The following NFKBID variants were observed in gnomAD, a reference collection of about 807,000 sequenced individuals.
NFKBID encodes the protein NFKB inhibitor delta, also known as NF-kappa-B inhibitor delta.
Under a neutral mutation model 53.4 loss-of-function variants are expected in NFKBID, and 26 were observed. The ratio of observed to expected loss-of-function variants is 0.49; its 90% CI spans 0.36 to 0.68. The LOEUF (loss-of-function observed/expected upper bound fraction) is 0.68. Among genes scored for constraint, NFKBID ranks in the 30% least tolerant of loss-of-function variants. NFKBID has a pLI of 0.00. For synonymous variants in NFKBID, 262 were observed against 259.8 expected (o/e 1.01, Z -0.08); for missense variants, 493 against 614.1 (o/e 0.80, Z 2.08).
intron 1 of NFKBID, 128 bp downstream of exon 1, chr19:35,900,314 C>G: frequency 1.4e-6 from 1 of 722,470 alleles, no homozygotes; most frequent in Non-Finnish European, 1.9e-6. Context: ...CCTCCAAACA[C>G]CTAGGGCCCT....
Position 35,898,583 on chromosome 19 carries a change from C to T in NFKBID, c.166-51G>A, listed in dbSNP as rs942262560. 1.0e-4 allele frequency: 151 copies of T among 1,451,374 alleles called. 1 individual carries two copies. The highest frequency in any genetic ancestry group is 1.3e-4 in the Non-Finnish European group (145 of 1,078,030). The allele number at this position is 1,451,374 out of a possible 1,614,324, so 89.9% of individuals were successfully genotyped here. ...CCCAGGTGACTTTATCTGGCAGATT[C>T]CTCCGGGTCTGTCTCGGATCTATAA... is the stretch of plus-strand genomic sequence containing the variant. On this transcript the variant is annotated intron_variant, in intron 2 of 11. Transcript: ENST00000641389.
At chr19:35,890,816 A>C in intron 9 of NFKBID, 1 of 368,140 alleles carries the variant, frequency 2.7e-6, no homozygotes, top group Non-Finnish European at 5.3e-6. Flanking sequence ...GTGGGCCATG[A>C]CCACACCACT....
chr19:35,898,927 C>T (rs1017370193), intron 1 of NFKBID, 105 bp from the exon 2 acceptor site: 4 of 807,576 alleles, frequency 5.0e-6, no homozygotes, highest in Non-Finnish European at 7.9e-6. Flanking sequence ...CTCGCCCTCC[C>T]GCGCGGAAAA....
At chr19:35,889,799 C>G in intron 11 of NFKBID, 91 bp downstream of exon 11, 1 of 1,330,220 alleles carries the variant, frequency 7.5e-7, no homozygotes, top group Non-Finnish European at 1.0e-6. Flanking sequence ...AGAAGTCATT[C>G]TCTGAAAGCG....
exon 12 of NFKBID, chr19:35,888,510 C>A: frequency 7.3e-7 from 1 of 1,374,990 alleles, no homozygotes. Context: ...CTGGCTGTCC[C>A]GCAGGACGGT....
chr19:35,896,348 C>T lies in NFKBID; in HGVS notation c.831+44G>A, dbSNP rs201817618. On this transcript the variant is annotated intron_variant, in intron 7 of 11. Transcript: ENST00000641389. This position sits in a 1 kb window ranked among gnomAD's most constrained non-coding sequence, Gnocchi z 5.7. The stretch of plus-strand genomic sequence containing the variant: ...CCCTGGAAGCCAAAATCTGGGCAAC[C>T]AGTCTACCCCCCAGACAAACCCCTG... 182 of 1,613,752 alleles carry T rather than the reference C, an allele frequency of 1.1e-4. 1 individual carries two copies. The highest frequency in any genetic ancestry group is 1.4e-4 in the Non-Finnish European group (166 of 1,179,840).
chr19:35,894,848 C>T (rs1349361630), intron 9 of NFKBID, among the ~76,000 whole-genome samples: 1 of 151,842 alleles, frequency 6.6e-6, no homozygotes, highest in Admixed American at 6.6e-5. Flanking sequence ...ACAAAATTAG[C>T]TGGACGTGGT....
intron 9 of NFKBID, among the ~76,000 whole-genome samples, chr19:35,891,674 G>T (rs965625066): frequency 6.6e-6 from 1 of 152,036 alleles, no homozygotes; most frequent in African/African-American, 2.4e-5. Context: ...TTCGAGACCA[G>T]CCTGGCCAAC....
chr19:35,890,918 G>C (rs535323467), intron 9 of NFKBID, among the ~76,000 whole-genome samples: 1 of 152,062 alleles, frequency 6.6e-6, no homozygotes, highest in Non-Finnish European at 1.5e-5. Context: ...GCCCCACCAA[G>C]AGTGCCTTAT....
At chr19:35,900,049 A>C (rs1975463868) in intron 1 of NFKBID, among the ~76,000 whole-genome samples, 1 of 57,018 alleles carries the variant, frequency 1.8e-5, no homozygotes, top group Non-Finnish European at 3.3e-5. Flanking sequence ...CCCCACCGAG[A>C]CCCACGCCGA....
intron 9 of NFKBID, among the ~76,000 whole-genome samples, chr19:35,892,131 GCCTTGACCTCC>G (rs1974810426): frequency 1.3e-5 from 2 of 151,748 alleles, no homozygotes; most frequent in African/African-American, 2.4e-5. Context: ...GCTCACTGCA[GCCTTGACCTCC>G]CCAGGTTCAG....
upstream of NFKBID, among the ~76,000 whole-genome samples, chr19:35,900,813 CTTTT>C (rs1240155426): frequency 5.5e-5 from 7 of 127,942 alleles, no homozygotes; most frequent in South Asian, 7.7e-4. Flanking sequence ...TTTTCTTTTT[CTTTT>C]TTTTCTTTTC....
chr19:35,888,551 T>G, exon 12 of NFKBID: 1 of 1,562,492 alleles, frequency 6.4e-7, no homozygotes, highest in Non-Finnish European at 8.7e-7. Context: ...AGGGTCTGGG[T>G]TTGAGTCCTA....
At chr19:35,891,532 T>A (rs1974761101) in intron 9 of NFKBID, among the ~76,000 whole-genome samples, 3 of 152,188 alleles carry the variant, frequency 2.0e-5, no homozygotes, top group Admixed American at 2.0e-4. Context: ...CAAGAAAATC[T>A]TTAATTTTTT....
chr19:35,898,739 G>A, exon 2 of NFKBID: 3 of 1,533,984 alleles, frequency 2.0e-6, no homozygotes, highest in African/African-American at 2.7e-5. Context: ...CCAGCGTCGG[G>A]CTGCTGCTGC....
chr19:35,900,645 G>A (rs865798411), exon 1 of NFKBID: 4 of 1,228,958 alleles, frequency 3.3e-6, no homozygotes, highest in Non-Finnish European at 3.0e-6. Flanking sequence ...GTCGCGCTCC[G>A]GCGAACGCAG....
chr19:35,900,372 T>C, intron 1 of NFKBID, 70 bp downstream of exon 1: 1 of 1,140,548 alleles, frequency 8.8e-7, no homozygotes, highest in Non-Finnish European at 1.1e-6. Flanking sequence ...CCTCAGGGCC[T>C]CGGGAGTCTT....
chr19:35,894,589 T>C (rs193014138), intron 9 of NFKBID, among the ~76,000 whole-genome samples: 64 of 152,126 alleles, frequency 4.2e-4, no homozygotes, highest in African/African-American at 1.5e-3. Flanking sequence ...TCACAGCTAC[T>C]TGGGAGGCTG....
At chr19:35,895,072 TC>T (rs2034795473) in intron 9 of NFKBID, among the ~76,000 whole-genome samples, 1 of 152,082 alleles carries the variant, frequency 6.6e-6, no homozygotes, top group Admixed American at 6.6e-5. Context: ...AGTACACATG[TC>T]AAAGGGTGTT....
Sources: gnomAD v4.1 joint callset for allele counts (sites outside exome capture counted in the v4.1 genomes callset) on GRCh38, gnomAD v4.1.1 for gene constraint, Gnocchi (gnomAD v3.1) non-coding constraint, MANE v1.5 for transcripts, NCBI Gene and HGNC (gene_info 2026-07-23, HGNC 2026-07-21) for gene names.